BMPER: variants seen among roughly 807,000 people sequenced by gnomAD.
BMPER encodes BMP binding endothelial regulator, also known as BMP-binding endothelial regulator protein.
In BMPER, 45 loss-of-function variants were observed where a neutral mutation model predicts 87.3. The ratio of observed to expected loss-of-function variants is 0.52; its 90% confidence interval spans 0.41 to 0.66. The LOEUF (loss-of-function observed/expected upper bound fraction) is 0.66. Ranked by LOEUF, BMPER falls within the 30% of genes least tolerant of loss-of-function variation. The pLI, the probability that BMPER is intolerant of heterozygous loss-of-function variation, is 0.00. For synonymous variants in BMPER, 326 were observed against 316.2 expected (o/e 1.03, Z -0.33); for missense variants, 784 against 867.5 (o/e 0.90, Z 1.21).
At chr7:33,924,853 G>A (rs547925822) in intron 2 of BMPER, among the ~76,000 whole-genome samples, 25 of 152,214 alleles carry the variant, frequency 1.6e-4, no homozygotes, top group Admixed American at 4.6e-4. Context: ...GTAGAGACGG[G>A]GTTTCACCAT....
chr7:33,981,183 G>A (rs964281429), intron 6 of BMPER, among the ~76,000 whole-genome samples: 9 of 152,140 alleles, frequency 5.9e-5, no homozygotes, highest in Non-Finnish European at 1.5e-5. Context: ...CCTCACCTGT[G>A]AGCTCATTAG....
chr7:33,933,189 T>A (rs915096062), intron 2 of BMPER, among the ~76,000 whole-genome samples: 1 of 152,218 alleles, frequency 6.6e-6, no homozygotes, highest in African/African-American at 2.4e-5. Context: ...AATGTTTTAC[T>A]CCCTATGCCC....
rs541265021 is a variant in BMPER at position 34,064,008 on chromosome 7, C to T, written c.1078+1961C>T. 7.9e-5 allele frequency among the ~76,000 whole-genome samples: 12 copies of T among 152,354 alleles called. No homozygotes were observed. The East Asian group carries it at 2.3e-3, about 29-fold the overall frequency. The stretch of plus-strand genomic sequence containing the variant: ...AGCTTCATAAAAACATATGACCAGC[C>T]AGGCGCAGTGCCTTATGCCTGTAAT... On this transcript the variant is annotated intron_variant, in intron 11 of 14. Transcript: ENST00000649409.
chr7:34,009,257 A>T (rs562305646), intron 6 of BMPER, among the ~76,000 whole-genome samples: 107 of 152,092 alleles, frequency 7.0e-4, no homozygotes, highest in African/African-American at 2.5e-3. Flanking sequence ...GAATTTTTGA[A>T]TGTGTCTTTA....
At chr7:34,018,830 A>AAAAAGAAAAAAT (rs1243818689) in intron 6 of BMPER, among the ~76,000 whole-genome samples, 2 of 152,014 alleles carry the variant, frequency 1.3e-5, no homozygotes, top group African/African-American at 4.8e-5. Flanking sequence ...CAAAATGGAA[A>AAAAAGAAAAAAT]AAAAGAAAAA....
chr7:33,951,413 C>G (rs1376278776), intron 3 of BMPER, among the ~76,000 whole-genome samples: 1 of 152,160 alleles, frequency 6.6e-6, no homozygotes, highest in African/African-American at 2.4e-5. Context: ...TTTGAACATA[C>G]TCTAACCTTT....
chr7:34,055,062 C>G, intron 8 of BMPER, 101 bp from the exon 9 acceptor site: 1 of 1,528,608 alleles, frequency 6.5e-7, no homozygotes, highest in Non-Finnish European at 9.1e-7. Flanking sequence ...ACCTTACAGA[C>G]TTTGACACAG....
intron 3 of BMPER, among the ~76,000 whole-genome samples, chr7:33,953,146 C>A (rs930807812): frequency 6.6e-6 from 1 of 152,152 alleles, no homozygotes; most frequent in Non-Finnish European, 1.5e-5. Context: ...ATACTGGGTT[C>A]CGGGGACTGT....
chr7:34,061,724 G>A (rs1342849314), intron 10 of BMPER, among the ~76,000 whole-genome samples: 1 of 152,166 alleles, frequency 6.6e-6, no homozygotes, highest in African/African-American at 2.4e-5. Context: ...TTCCTTCCAT[G>A]TGAGAAAAAT....
At chr7:33,962,180 T>G (rs1785288747) in intron 3 of BMPER, among the ~76,000 whole-genome samples, 1 of 152,226 alleles carries the variant, frequency 6.6e-6, no homozygotes, top group African/African-American at 2.4e-5. Context: ...GTTTTATTGC[T>G]TAACTGTGGA....
chr7:34,086,212 A>C, intron 13 of BMPER, 120 bp downstream of exon 13: 1 of 1,147,546 alleles, frequency 8.7e-7, no homozygotes, highest in Non-Finnish European at 1.3e-6. Context: ...CAGGGTAGGC[A>C]TCTTCTTGCT....
At chr7:34,098,727 G>A (rs978633005) in intron 13 of BMPER, among the ~76,000 whole-genome samples, 2 of 152,150 alleles carry the variant, frequency 1.3e-5, no homozygotes, top group Non-Finnish European at 2.9e-5. Flanking sequence ...ATATGAAGAG[G>A]AAACCAGGAA....
chr7:34,154,164 C>T lies in BMPER; in HGVS notation c.*891C>T, dbSNP rs1791256086. On this transcript the variant is annotated 3_prime_UTR_variant, in exon 15 of 15. Transcript: ENST00000649409. ...GGGCAAATCCAATGAGTTGATGTAACCCATCTACATTTTGTGGCTATTTCA... is the reference window on the plus strand; with the variant it reads ...GGGCAAATCCAATGAGTTGATGTAATCCATCTACATTTTGTGGCTATTTCA... 6.6e-6 allele frequency: 1 copy of T among 152,606 alleles called. No individual in the cohort carries two copies. The highest frequency in any genetic ancestry group is 2.4e-5 in the African/African-American group (1 of 41,444). 9.5% of individuals were successfully genotyped at this position (152,606 alleles called of 1,614,324 possible).
chr7:34,009,496 A>C (rs1476815846), intron 6 of BMPER, among the ~76,000 whole-genome samples: 1 of 151,932 alleles, frequency 6.6e-6, no homozygotes, highest in African/African-American at 2.4e-5. Context: ...TATTGGCCTT[A>C]TTGTCCACCT....
chr7:34,041,346 A>G (rs888704302), intron 6 of BMPER, among the ~76,000 whole-genome samples: 4 of 152,114 alleles, frequency 2.6e-5, no homozygotes, highest in South Asian at 2.1e-4. Context: ...CTCACTACCT[A>G]TTGGAGGTGT....
intron 5 of BMPER, among the ~76,000 whole-genome samples, chr7:33,973,080 G>T (rs139873734): frequency 1.3e-5 from 2 of 152,184 alleles, no homozygotes; most frequent in African/African-American, 2.4e-5. Flanking sequence ...ATTCTTGGTC[G>T]ACTGCTCCTT....
At chr7:34,151,293 C>G (rs10248231) in intron 14 of BMPER, among the ~76,000 whole-genome samples, 3,278 of 152,218 alleles carry the variant, frequency 0.022, 111 homozygotes, top group African/African-American at 0.074. Flanking sequence ...GCTTTCATAT[C>G]TAATGCTCGC....
intron 13 of BMPER, among the ~76,000 whole-genome samples, chr7:34,097,069 A>G (rs915086248): frequency 1.3e-5 from 2 of 152,210 alleles, no homozygotes; most frequent in Non-Finnish European, 2.9e-5. Flanking sequence ...GTGTTTTCTG[A>G]TAGAGGATAT....
intron 3 of BMPER, among the ~76,000 whole-genome samples, chr7:33,955,415 A>T (rs1562651463): frequency 6.6e-6 from 1 of 152,212 alleles, no homozygotes; most frequent in Non-Finnish European, 1.5e-5. Context: ...TCCCAAGCAA[A>T]TGAGTCTCAG....
Sources: allele counts gnomAD v4.1 joint callset (sites outside exome capture counted in the v4.1 genomes callset), GRCh38; gene constraint gnomAD v4.1.1; transcripts MANE v1.5; gene names NCBI Gene and HGNC (gene_info 2026-07-23, HGNC 2026-07-21).